Variants in CLASP2 observed in about 807,000 individuals in gnomAD.
CLASP2 encodes CLIP-associating protein 2.
A neutral mutation model predicts 194.4 loss-of-function variants in CLASP2; 47 were observed. That is an observed-to-expected ratio of 0.24 (90% CI 0.19 to 0.31). CLASP2 has a LOEUF of 0.31. Ranked by LOEUF, CLASP2 falls within the 10% of genes least tolerant of loss-of-function variation. CLASP2 has a pLI of 1.00. For synonymous variants in CLASP2, 619 were observed against 633.5 expected, an observed-to-expected ratio of 0.98 and a Z score of 0.34; for missense variants, 1,445 against 1,823.6, an observed-to-expected ratio of 0.79 and a Z score of 3.78.
At chr3:33,660,312 G>T (rs1359617238) in intron 7 of CLASP2, among the ~76,000 whole-genome samples, 1 of 152,184 alleles carries the variant, frequency 6.6e-6, no homozygotes, top group African/African-American at 2.4e-5. Flanking sequence ...CGATCTGACA[G>T]ATTTTAAATC....
intron 36 of CLASP2, chr3:33,514,664 A>G: frequency 3.0e-6 from 1 of 337,986 alleles, no homozygotes; most frequent in African/African-American, 2.1e-5. Flanking sequence ...CAGCAATCCC[A>G]CTATTGGGTA....
In CLASP2 at chr3:33,573,101, G is replaced by GC; in HGVS notation, c.2699+8dup. On this transcript the variant is annotated intron_variant, in intron 25 of 38. Transcript: ENST00000682230. ...GATAGTAAAATCATTTTAAGACAAC[G>GC]CATCTCACCTTAGTGTTCTCTGATT... 6.2e-7 allele frequency: 1 copy of GC among 1,612,798 alleles called. No individual in the cohort carries two copies. The highest frequency in any genetic ancestry group is 8.5e-7 in the Non-Finnish European group (1 of 1,179,344).
At chr3:33,698,275 G>A (rs1292576498) in intron 1 of CLASP2, among the ~76,000 whole-genome samples, 1 of 152,070 alleles carries the variant, frequency 6.6e-6, no homozygotes, top group Non-Finnish European at 1.5e-5. Context: ...TGCTATTAAG[G>A]AGAGGAAAAA....
intron 21 of CLASP2, among the ~76,000 whole-genome samples, chr3:33,586,541 T>C (rs887394230): frequency 1.3e-5 from 2 of 152,244 alleles, no homozygotes; most frequent in East Asian, 3.9e-4. Context: ...AAAAAAAGTT[T>C]TAAAAACATG....
chr3:33,593,122 C>T (rs2069227385), intron 20 of CLASP2, among the ~76,000 whole-genome samples: 1 of 152,094 alleles, frequency 6.6e-6, no homozygotes, highest in Admixed American at 6.5e-5. Flanking sequence ...TTCATACCTC[C>T]CGAACTGCAC....
intron 7 of CLASP2, among the ~76,000 whole-genome samples, chr3:33,662,324 A>G (rs2154332726): frequency 6.6e-6 from 1 of 152,360 alleles, no homozygotes; most frequent in Non-Finnish European, 1.5e-5. Flanking sequence ...ATGAAAACAC[A>G]CAAGTTCAAG....
intron 13 of CLASP2, among the ~76,000 whole-genome samples, chr3:33,610,855 T>C (rs1333959200): frequency 6.6e-6 from 1 of 152,214 alleles, no homozygotes; most frequent in Non-Finnish European, 1.5e-5. Context: ...CCACTTCAAA[T>C]AACAATGTCT....
chr3:33,564,755 TA>T (rs1381679145), intron 27 of CLASP2, among the ~76,000 whole-genome samples: 1 of 152,080 alleles, frequency 6.6e-6, no homozygotes, highest in African/African-American at 2.4e-5. Flanking sequence ...CATGTCCAGT[TA>T]ATTTTTTTAG....
At chr3:33,648,061 A>G (rs939709995) in intron 7 of CLASP2, among the ~76,000 whole-genome samples, 14 of 152,074 alleles carry the variant, frequency 9.2e-5, no homozygotes, top group African/African-American at 2.9e-4. Flanking sequence ...GTATACACAT[A>G]GAAGAAAATG....
In CLASP2 at chr3:33,506,377, C is replaced by CAAAAAAAAAAAAAAAAAAA. The variant is rs2048189726; in HGVS notation, c.4317+4180_4317+4181insTTTTTTTTTTTTTTTTTTT. On this transcript the variant is annotated intron_variant, in intron 37 of 38. Coordinates refer to ENST00000682230, the MANE Select transcript of CLASP2 (RefSeq NM_001365631.1). ...TGGGTGACAGAGTGAGACTCTGTCT[C>CAAAAAAAAAAAAAAAAAAA]GAAAAAAAAAAAAAAAAAAAAAAAA... is the stretch of plus-strand genomic sequence containing the variant. Among the ~76,000 whole-genome samples the CAAAAAAAAAAAAAAAAAAA allele has an allele frequency of 4.2e-4, 26 of 61,878 alleles. 7 individuals are homozygous for CAAAAAAAAAAAAAAAAAAA. Among genetic ancestry groups the CAAAAAAAAAAAAAAAAAAA allele is most frequent in the African/African-American group, 1.3e-3 (23 of 17,542 alleles). The allele number at this position is 61,878 out of a possible 152,430, so 40.6% of individuals were successfully genotyped here. A position where few individuals can be genotyped will look rare whatever the true frequency, so the allele number is the denominator to read the frequency against.
At chr3:33,532,933 C>T (rs892048440) in intron 34 of CLASP2, among the ~76,000 whole-genome samples, 51 of 152,206 alleles carry the variant, frequency 3.4e-4, no homozygotes, top group African/African-American at 1.2e-3. Flanking sequence ...AAGTGTTTAA[C>T]GTGACAGAGC....
Position 33,619,737 on chromosome 3 carries a change from G to A in CLASP2, c.1183C>T (p.His395Tyr). The stretch of plus-strand genomic sequence containing the variant: ...TTGTTTCCCAAAACTGTTGAAAGGT[G>A]GCTACAAAGGAAGACAAAAAGTATT... ...VVREACITVA[H>Y]LSTVLGNKFD... The change falls in exon 12 of 39, where the codon CAC becomes TAC. Residue 395 changes from histidine (H) to tyrosine (Y), a missense_variant and splice_region_variant. His to Tyr is a moderately conservative substitution (Grantham distance 83). Coordinates refer to ENST00000682230, the MANE Select transcript of CLASP2 (RefSeq NM_001365631.1). The A allele has an allele frequency of 6.3e-7, 1 of 1,579,226 alleles. No homozygotes were observed. The highest frequency in any genetic ancestry group is 1.2e-5 in the South Asian group (1 of 84,522).
In CLASP2 at chr3:33,579,452, T is replaced by C. The variant is rs913995913; in HGVS notation, c.2347+2369A>G. Among the ~76,000 whole-genome samples, 5 of 152,240 alleles carry C rather than the reference T, an allele frequency of 3.3e-5. No individual in the cohort carries two copies. The East Asian group carries it at 7.7e-4, about 23-fold the overall frequency. On this transcript the variant is annotated intron_variant, in intron 23 of 38. Transcript: ENST00000682230. ...ACAGAAACACATTTTGGTTTCTTCT[T>C]GATATGTTTTCTAGGAACGTGCAAT...
intron 23 of CLASP2, among the ~76,000 whole-genome samples, chr3:33,578,345 T>G (rs867826196): frequency 1.3e-5 from 2 of 152,206 alleles, no homozygotes; most frequent in South Asian, 2.1e-4. Context: ...AAATCTAAAT[T>G]TAGCATATTT....
At chr3:33,676,799 A>G (rs2088744998) in intron 6 of CLASP2, among the ~76,000 whole-genome samples, 1 of 152,168 alleles carries the variant, frequency 6.6e-6, no homozygotes. Context: ...TTCGCAACCT[A>G]CTCATCTGAC....
At chr3:33,510,441 A>G in intron 37 of CLASP2, 117 bp downstream of exon 37, 1 of 919,008 alleles carries the variant, frequency 1.1e-6, no homozygotes, top group Non-Finnish European at 1.7e-6. Context: ...TGTCCTGAAT[A>G]TTGCAGACAA....
chr3:33,589,008 T>C (rs912396824), intron 21 of CLASP2, among the ~76,000 whole-genome samples: 1 of 152,138 alleles, frequency 6.6e-6, no homozygotes, highest in African/African-American at 2.4e-5. Context: ...TAAATGTAAA[T>C]TCTTCAGCTT....
chr3:33,570,929 A>C, intron 25 of CLASP2, 139 bp from the exon 26 acceptor site: 1 of 711,726 alleles, frequency 1.4e-6, no homozygotes, highest in Non-Finnish European at 2.2e-6. Flanking sequence ...TAATCCTAGC[A>C]TTTTGGGAGG....
intron 7 of CLASP2, among the ~76,000 whole-genome samples, chr3:33,661,407 G>T (rs759880884): frequency 3.3e-5 from 5 of 152,192 alleles, no homozygotes; most frequent in Admixed American, 3.3e-4. Flanking sequence ...GAAGTCTACA[G>T]AAGTAGTCCA....
Sources: allele counts gnomAD v4.1 joint callset (sites outside exome capture counted in the v4.1 genomes callset), GRCh38; gene constraint gnomAD v4.1.1; transcripts MANE v1.5; gene names NCBI Gene and HGNC (gene_info 2026-07-23, HGNC 2026-07-21).